Variants in MBOAT2 observed in about 807,000 individuals in gnomAD.
The protein encoded by MBOAT2 is membrane bound glycerophospholipid O-acyltransferase 2.
MBOAT2 carries 28 observed loss-of-function variants against 63.4 expected under a neutral mutation model. The ratio of observed to expected loss-of-function variants is 0.44; its 90% CI spans 0.33 to 0.61. MBOAT2 has a LOEUF of 0.61. Ranked by LOEUF, MBOAT2 falls within the 20% of genes least tolerant of loss-of-function variation. The pLI, the probability that MBOAT2 is intolerant of heterozygous loss-of-function variation, is 0.03. For synonymous variants in MBOAT2, 211 were observed against 215.6 expected (o/e 0.98, Z 0.19); for missense variants, 470 against 605.8 (o/e 0.78, Z 2.35).
At chr2:8,963,446 G>A (rs1192695629) in intron 1 of MBOAT2, among the ~76,000 whole-genome samples, 1 of 152,094 alleles carries the variant, frequency 6.6e-6, no homozygotes, top group Non-Finnish European at 1.5e-5. Flanking sequence ...TGGGATTACA[G>A]GCATGCACTA....
At chr2:8,981,574 G>A (rs1018700065) in intron 1 of MBOAT2, among the ~76,000 whole-genome samples, 3 of 152,116 alleles carry the variant, frequency 2.0e-5, no homozygotes, top group Non-Finnish European at 4.4e-5. Context: ...AGGATCACAA[G>A]TGGAGCTGGT....
intron 1 of MBOAT2, among the ~76,000 whole-genome samples, chr2:8,975,063 T>A (rs1468643612): frequency 6.6e-6 from 1 of 152,130 alleles, no homozygotes; most frequent in African/African-American, 2.4e-5. Flanking sequence ...CTGGGGAAAG[T>A]GCTTTCTATA....
chr2:8,984,006 T>C (rs2103343700), intron 1 of MBOAT2, among the ~76,000 whole-genome samples: 1 of 152,278 alleles, frequency 6.6e-6, no homozygotes, highest in Admixed American at 6.5e-5. Flanking sequence ...ACAATTTCAA[T>C]CACATGGAAA....
rs1386550863 is a variant in MBOAT2, at chr2:8,888,008, G to A, written c.451+10C>T. The A allele has an allele frequency of 6.2e-7, 1 of 1,610,174 alleles. No individual in the cohort carries two copies. Among genetic ancestry groups the A allele is most frequent in the South Asian group, 1.1e-5 (1 of 90,824 alleles). Reference sequence around the variant, plus strand: ...TTTTCAGCAATAAAAATTAATTTCAGAATTCTTACCATCATGAATTTCGCA... The same window carrying A: ...TTTTCAGCAATAAAAATTAATTTCAAAATTCTTACCATCATGAATTTCGCA... On this transcript the variant is annotated intron_variant, in intron 5 of 12. Transcript: ENST00000305997.
intron 9 of MBOAT2, among the ~76,000 whole-genome samples, chr2:8,864,497 G>A (rs2148511372): frequency 6.6e-6 from 1 of 152,220 alleles, no homozygotes; most frequent in South Asian, 2.1e-4. Flanking sequence ...GGATGTCATG[G>A]ATTTCTTCCA....
chr2:8,942,919 G>T (rs1668154692), intron 3 of MBOAT2, among the ~76,000 whole-genome samples: 1 of 152,196 alleles, frequency 6.6e-6, no homozygotes, highest in Non-Finnish European at 1.5e-5. Flanking sequence ...CATCTAGGTG[G>T]TAAAAGCCAG....
chr2:8,905,225 C>G (rs1665241417), intron 4 of MBOAT2, among the ~76,000 whole-genome samples: 2 of 152,104 alleles, frequency 1.3e-5, no homozygotes, highest in South Asian at 4.2e-4. Context: ...TAATTAGGAT[C>G]AAGTCAGGAT....
At chr2:8,864,587 C>T (rs1241271821) in intron 9 of MBOAT2, among the ~76,000 whole-genome samples, 1 of 152,084 alleles carries the variant, frequency 6.6e-6, no homozygotes, top group African/African-American at 2.4e-5. Context: ...CACCTTGTTA[C>T]CTCCTTCCCG....
intron 6 of MBOAT2, among the ~76,000 whole-genome samples, chr2:8,881,573 G>T (rs914528584): frequency 6.6e-6 from 1 of 152,128 alleles, no homozygotes. Flanking sequence ...GAGGCACAGG[G>T]GAAATGGCAG....
Position 8,958,754 on chromosome 2 carries a change from T to G in MBOAT2, c.76-112A>C. ...ACCAAGGTTACACAAAAATTGACCTTCCAAGTTAACAAAACAAAAACAAAA... is the reference window on the plus strand; with the variant it reads ...ACCAAGGTTACACAAAAATTGACCTGCCAAGTTAACAAAACAAAAACAAAA... On this transcript the variant is annotated intron_variant, in intron 1 of 12. Transcript: ENST00000305997. The G allele has an allele frequency of 2.6e-6, 3 of 1,138,520 alleles. No homozygotes were observed. In the South Asian group the frequency reaches 5.9e-5, roughly 22 times the overall value. The allele number at this position is 1,138,520 out of a possible 1,614,324, so 70.5% of individuals were successfully genotyped here. A position where few individuals can be genotyped will look rare whatever the true frequency, so the allele number is the denominator to read the frequency against.
chr2:8,908,508 A>G (rs759495713), intron 4 of MBOAT2, 113 bp downstream of exon 4: 45 of 607,962 alleles, frequency 7.4e-5, no homozygotes, highest in Non-Finnish European at 1.2e-4. Context: ...TTTTCAACTA[A>G]AATGTTTAAT....
chr2:8,962,861 T>C (rs1669709562), intron 1 of MBOAT2, among the ~76,000 whole-genome samples: 1 of 152,194 alleles, frequency 6.6e-6, no homozygotes, highest in Admixed American at 6.5e-5. Flanking sequence ...AAAGAACCTA[T>C]ATACACACAT....
intron 6 of MBOAT2, among the ~76,000 whole-genome samples, chr2:8,880,548 T>C (rs1663037619): frequency 6.6e-6 from 1 of 151,952 alleles, no homozygotes; most frequent in South Asian, 2.1e-4. Flanking sequence ...GGGGAGTGGA[T>C]TGGGCGGGAA....
At chr2:8,966,574 C>T (rs1227814749) in intron 1 of MBOAT2, among the ~76,000 whole-genome samples, 1 of 152,196 alleles carries the variant, frequency 6.6e-6, no homozygotes, top group Non-Finnish European at 1.5e-5. Context: ...CAAGAGTCCT[C>T]ATCAACCAAC....
intron 1 of MBOAT2, among the ~76,000 whole-genome samples, chr2:8,983,015 C>G (rs951607283): frequency 6.6e-6 from 1 of 152,018 alleles, no homozygotes; most frequent in African/African-American, 2.4e-5. Context: ...ACAGAATAGC[C>G]ACAATACAAC....
At chr2:8,894,220 T>C (rs1275569046) in intron 4 of MBOAT2, among the ~76,000 whole-genome samples, 2 of 152,210 alleles carry the variant, frequency 1.3e-5, no homozygotes, top group Non-Finnish European at 2.9e-5. Context: ...ACGAACCTTG[T>C]ACCACACTGC....
intron 1 of MBOAT2, among the ~76,000 whole-genome samples, chr2:8,971,948 T>A (rs540455429): frequency 9.9e-4 from 150 of 152,274 alleles, no homozygotes; most frequent in Middle Eastern, 3.4e-3. Context: ...CTGCCCAAGG[T>A]AATTTATAGA....
chr2:8,908,138 C>G (rs1331982194), intron 4 of MBOAT2: 2 of 152,210 alleles, frequency 1.3e-5, no homozygotes, highest in African/African-American at 2.4e-5. Flanking sequence ...CAAGTTACTT[C>G]GTAAGAGCTT....
At chr2:8,951,014 T>C (rs937543500) in intron 2 of MBOAT2, among the ~76,000 whole-genome samples, 6 of 152,186 alleles carry the variant, frequency 3.9e-5, no homozygotes, top group African/African-American at 9.7e-5. Context: ...AACTTTTTGA[T>C]GTGCTGTTGA....
Sources: allele counts gnomAD v4.1 joint callset (sites outside exome capture counted in the v4.1 genomes callset), GRCh38; gene constraint gnomAD v4.1.1; transcripts MANE v1.5; gene names NCBI Gene and HGNC (gene_info 2026-07-23, HGNC 2026-07-21).